DACH2: variants seen among roughly 807,000 people sequenced by gnomAD.
The protein encoded by DACH2 is dachshund family transcription factor 2.
DACH2 carries 17 observed loss-of-function variants against 35.8 expected under a neutral mutation model. That is an observed-to-expected ratio of 0.48 (90% CI 0.33 to 0.71). The LOEUF is 0.71. DACH2 is among the 30% of genes least tolerant of loss of function. The probability of loss-of-function intolerance (pLI) is 0.02; values close to 1 mark genes in which losing one functional copy is unlikely to be tolerated. For synonymous variants in DACH2, 195 were observed against 177.3 expected (o/e 1.10, Z -0.79); for missense variants, 469 against 472.7 (o/e 0.99, Z 0.07).
At chrX:86,630,692 T>C (rs2040190438) in intron 3 of DACH2, among the ~76,000 whole-genome samples, 1 of 92,830 alleles carries the variant, frequency 1.1e-5, no homozygotes, top group Non-Finnish European at 2.3e-5. Context: ...GAAGAGCTTA[T>C]TAAACTTTTT....
chrX:86,673,168 T>C (rs1248437186), intron 4 of DACH2, among the ~76,000 whole-genome samples: 1 of 109,721 alleles, frequency 9.1e-6, no homozygotes, highest in African/African-American at 3.3e-5. Context: ...ACCCTGTCTC[T>C]ACTAAAAACA....
At chrX:86,766,340 C>G (rs2041934776) in intron 7 of DACH2, among the ~76,000 whole-genome samples, 1 of 111,902 alleles carries the variant, frequency 8.9e-6, no homozygotes, top group South Asian at 3.7e-4. Flanking sequence ...TTAACTGGCT[C>G]TCCCAACCCA....
chrX:86,831,925 G>T, intron 11 of DACH2, 181 bp from the exon 12 acceptor site: 1 of 397,738 alleles, frequency 2.5e-6, no homozygotes, highest in East Asian at 4.1e-5. Flanking sequence ...AAATTTGAAG[G>T]ATCTTTGAAA....
intron 1 of DACH2, among the ~76,000 whole-genome samples, chrX:86,307,087 A>T (rs957539010): frequency 8.9e-6 from 1 of 112,014 alleles, no homozygotes; most frequent in African/African-American, 3.2e-5. Context: ...GACTCTACAC[A>T]TAATATCATT....
At chrX:86,392,047 G>C (rs1462818737) in intron 2 of DACH2, among the ~76,000 whole-genome samples, 1 of 110,525 alleles carries the variant, frequency 9.0e-6, no homozygotes, top group Non-Finnish European at 1.9e-5. Flanking sequence ...ACATAAGTAT[G>C]CATATTTTTC....
intron 1 of DACH2, among the ~76,000 whole-genome samples, chrX:86,359,015 G>A (rs1190458107): frequency 1.8e-5 from 2 of 109,485 alleles, no homozygotes; most frequent in Non-Finnish European, 3.8e-5. Context: ...GTGATACGTT[G>A]GTAGATGTTA....
intron 2 of DACH2, among the ~76,000 whole-genome samples, chrX:86,513,595 A>G (rs762819849): frequency 8.9e-6 from 1 of 112,423 alleles, no homozygotes; most frequent in Non-Finnish European, 1.9e-5. Flanking sequence ...GGTTAATGTT[A>G]TAAGTTTATC....
chrX:86,816,212 A>G (rs2042450575), intron 11 of DACH2, 113 bp downstream of exon 11: 3 of 412,756 alleles, frequency 7.3e-6, no homozygotes, highest in Non-Finnish European at 1.2e-5. Context: ...TATAAATAAA[A>G]TAAATAAGTT....
At chrX:86,563,637 C>T (rs1015167275) in intron 3 of DACH2, among the ~76,000 whole-genome samples, 1 of 110,227 alleles carries the variant, frequency 9.1e-6, no homozygotes, top group Non-Finnish European at 1.9e-5. Flanking sequence ...GATGTCCGAC[C>T]AAGAGAACAC....
chrX:86,225,145 ACT>A (rs1387288773), intron 1 of DACH2, among the ~76,000 whole-genome samples: 3 of 108,529 alleles, frequency 2.8e-5, no homozygotes, highest in Admixed American at 1.9e-4. Context: ...ATTGATGAAC[ACT>A]CTAAAATGAG....
At chrX:86,185,788 A>G (rs1237090509) in intron 1 of DACH2, among the ~76,000 whole-genome samples, 2 of 112,150 alleles carry the variant, frequency 1.8e-5, no homozygotes, top group Non-Finnish European at 3.8e-5. Context: ...GATTTATTAC[A>G]TTGTATTCGT....
intron 1 of DACH2, among the ~76,000 whole-genome samples, chrX:86,233,973 G>T: frequency 8.9e-6 from 1 of 112,012 alleles, no homozygotes; most frequent in Non-Finnish European, 1.9e-5. Flanking sequence ...TGAGATTTGG[G>T]AGGGGACACA....
At chrX:86,523,420 A>C (rs905714805) in intron 3 of DACH2, among the ~76,000 whole-genome samples, 4 of 112,051 alleles carry the variant, frequency 3.6e-5, no homozygotes, top group African/African-American at 1.3e-4. Flanking sequence ...GTTTAAAAAA[A>C]ATATCAAGCC....
At chrX:86,393,944 T>TATTATA (rs1372777656) in intron 2 of DACH2, among the ~76,000 whole-genome samples, 11 of 105,823 alleles carry the variant, frequency 1.0e-4, no homozygotes, top group Non-Finnish European at 1.9e-4. Flanking sequence ...GCTATTTTAT[T>TATTATA]ATTATTATTA....
chrX:86,772,437 C>T (rs1385719269), intron 7 of DACH2, among the ~76,000 whole-genome samples: 1 of 110,898 alleles, frequency 9.0e-6, no homozygotes, highest in Non-Finnish European at 1.9e-5. Context: ...TTATACTGTA[C>T]CAAGTGCAAA....
At chrX:86,633,297 A>T (rs2148390158) in intron 3 of DACH2, among the ~76,000 whole-genome samples, 1 of 111,419 alleles carries the variant, frequency 9.0e-6, no homozygotes, top group African/African-American at 3.3e-5. Context: ...GAGATACAAA[A>T]GATCGTTAGA....
At chrX:86,482,750 C>A (rs1485353609) in intron 2 of DACH2, among the ~76,000 whole-genome samples, 1 of 109,773 alleles carries the variant, frequency 9.1e-6, no homozygotes, top group African/African-American at 3.3e-5. Context: ...GAGATGGTAT[C>A]TCATTGTGGT....
chrX:86,817,272 T>G (rs2042462775), intron 11 of DACH2, among the ~76,000 whole-genome samples: 2 of 111,375 alleles, frequency 1.8e-5, no homozygotes, highest in African/African-American at 6.5e-5. Context: ...CTTTATTCCC[T>G]CAGCTTAAAG....
chrX:86,513,000 T>C (rs1458579197), intron 2 of DACH2: 1 of 313,131 alleles, frequency 3.2e-6, no homozygotes, highest in African/African-American at 2.7e-5. Flanking sequence ...GATTGATATA[T>C]AATATTGATG....
Sources: allele counts gnomAD v4.1 joint callset (sites outside exome capture counted in the v4.1 genomes callset), GRCh38; gene constraint gnomAD v4.1.1; transcripts MANE v1.5; gene names NCBI Gene and HGNC (gene_info 2026-07-23, HGNC 2026-07-21).